Variants in SRR observed in about 807,000 individuals in gnomAD.
The protein encoded by SRR is serine racemase.
In SRR, 19 loss-of-function variants were observed where a neutral mutation model predicts 32.7. That is an observed-to-expected ratio of 0.58 (90% CI 0.40 to 0.85). SRR has a LOEUF of 0.85. Among genes scored for constraint, SRR ranks in the 40% least tolerant of loss-of-function variants. The pLI is 0.00. For missense variants in SRR, 373 were observed against 404.7 expected (o/e 0.92, Z 0.67); for synonymous variants, 142 against 140.9 (o/e 1.01, Z -0.06).
In SRR at chr17:2,324,179, G is replaced by C; in HGVS notation, c.*306G>C. Reference sequence around the variant, plus strand: ...AGTACTGACTGGCACCGGTAAGACAGAATCTCTTTGAATCCATTACTCCAT... The same window carrying C: ...AGTACTGACTGGCACCGGTAAGACACAATCTCTTTGAATCCATTACTCCAT... On this transcript the variant is annotated 3_prime_UTR_variant, in exon 8 of 8. Coordinates refer to ENST00000344595, the MANE Select transcript of SRR (RefSeq NM_021947.3). 1 of 1,514,586 alleles carries C rather than the reference G, an allele frequency of 6.6e-7. No individual in the cohort carries two copies. Among genetic ancestry groups the C allele is most frequent in the Non-Finnish European group, 8.8e-7 (1 of 1,136,180 alleles). The allele number at this position is 1,514,586 out of a possible 1,614,324, so 93.8% of individuals were successfully genotyped here.
intron 1 of SRR, among the ~76,000 whole-genome samples, chr17:2,313,790 T>TC (rs1259743873): frequency 2.0e-5 from 3 of 152,156 alleles, no homozygotes; most frequent in Admixed American, 2.0e-4. Flanking sequence ...GATTCATTGA[T>TC]ATTCATAATA....
In SRR at chr17:2,315,661, TG is replaced by T; in HGVS notation, c.102del (p.Asn35IlefsTer3). 6.2e-7 allele frequency: 1 copy of T among 1,614,204 alleles called. No individual in the cohort carries two copies. The highest frequency in any genetic ancestry group is 8.5e-7 in the Non-Finnish European group (1 of 1,180,034). ...HLTPVLTSSI[L>X]NQLTGRNLFF... ...ACACCAGTGCTAACAAGCTCCATTT[TG>T]AATCAACTAACAGGGCGCAATCTTT... On this transcript the variant is annotated frameshift_variant, in exon 2 of 8. Transcript: ENST00000344595. LOFTEE classifies it high-confidence loss of function.
At chr17:2,308,917 G>A (rs567566237) in intron 1 of SRR, among the ~76,000 whole-genome samples, 5 of 152,084 alleles carry the variant, frequency 3.3e-5, no homozygotes, top group African/African-American at 9.6e-5. Context: ...TCAGGAGTTC[G>A]AGACCAGCCT....
chr17:2,319,000 C>A, intron 4 of SRR, 71 bp downstream of exon 4: 3 of 1,062,026 alleles, frequency 2.8e-6, no homozygotes, highest in Middle Eastern at 2.1e-4. Context: ...ACCTTACTGG[C>A]TGCTCCTTCT....
At chr17:2,312,213 C>CT (rs1323205941) in intron 1 of SRR, among the ~76,000 whole-genome samples, 2 of 108,504 alleles carry the variant, frequency 1.8e-5, no homozygotes, top group Non-Finnish European at 4.0e-5. Flanking sequence ...GAGACCTTAT[C>CT]TAAAAAAAAA....
chr17:2,324,432 A>G lies in SRR; in HGVS notation c.*559A>G. The G allele has an allele frequency of 6.2e-7, 1 of 1,605,656 alleles. No individual in the cohort carries two copies. The highest frequency in any genetic ancestry group is 8.5e-7 in the Non-Finnish European group (1 of 1,176,532). On this transcript the variant is annotated 3_prime_UTR_variant, in exon 8 of 8. Coordinates refer to ENST00000344595, the MANE Select transcript of SRR (RefSeq NM_021947.3). ...AAAAGTAGAAAATTTTAAAGCAATG[A>G]CTTCCAACCCAACAGTCATTTAGCA... is the stretch of plus-strand genomic sequence containing the variant.
Position 2,325,144 on chromosome 17 carries a change from C to G in SRR, c.*1271C>G, listed in dbSNP as rs561038931. The G allele has an allele frequency of 1.4e-5, 9 of 641,868 alleles. No individual in the cohort carries two copies. Among genetic ancestry groups the G allele is most frequent in the Non-Finnish European group, 1.8e-5 (7 of 385,896 alleles). The allele number at this position is 641,868 out of a possible 1,614,324, so 39.8% of individuals were successfully genotyped here. On this transcript the variant is annotated 3_prime_UTR_variant, in exon 8 of 8. Transcript: ENST00000344595. ...TGTTTCACGTAAAAGTTGGAGTTTT[C>G]ATTGTTCTATTAACAATGTTAAATG...
chr17:2,318,498 A>C (rs1313024131), intron 3 of SRR, among the ~76,000 whole-genome samples: 4 of 110,372 alleles, frequency 3.6e-5, no homozygotes, highest in South Asian at 2.8e-4. Flanking sequence ...GGAGTCTTGC[A>C]CTGTCGCCCA....
intron 1 of SRR, among the ~76,000 whole-genome samples, chr17:2,315,207 C>T (rs896446730): frequency 2.0e-5 from 3 of 149,996 alleles, no homozygotes; most frequent in Non-Finnish European, 4.4e-5. Context: ...TGCCACTGCA[C>T]TCCAGCCTGG....
intron 2 of SRR, 119 bp from the exon 3 acceptor site, chr17:2,317,751 C>G (rs1597265469): frequency 1.9e-6 from 2 of 1,068,500 alleles, no homozygotes; most frequent in African/African-American, 3.2e-5. Flanking sequence ...AGAGGTAAAT[C>G]GATAAGATTT....
chr17:2,307,865 G>A, intron 1 of SRR: 1 of 631,326 alleles, frequency 1.6e-6, no homozygotes, highest in Non-Finnish European at 2.9e-6. Flanking sequence ...ATACTCATGT[G>A]TATGGGCAAA....
intron 1 of SRR, among the ~76,000 whole-genome samples, chr17:2,310,712 G>A (rs1320733608): frequency 1.3e-5 from 2 of 151,974 alleles, no homozygotes; most frequent in South Asian, 2.1e-4. Context: ...CCTAGTAGCT[G>A]GGACTACAGG....
chr17:2,321,227 A>C (rs527548271), intron 4 of SRR, 79 bp from the exon 5 acceptor site: 2 of 1,554,030 alleles, frequency 1.3e-6, no homozygotes, highest in East Asian at 2.2e-5. Context: ...ATGGTCAATA[A>C]AATGCTGAAT....
chr17:2,321,558 C>T lies in SRR; in HGVS notation c.536C>T (p.Ala179Val). The T allele has an allele frequency of 1.2e-6, 2 of 1,614,084 alleles. No homozygotes were observed. Among genetic ancestry groups the T allele is most frequent in the East Asian group, 2.2e-5 (1 of 44,886 alleles). ...EVLNQVPLVD[A>V]LVVPVGGGGM... ...TCACTAAAGGTTCCTTTGGTGGATG[C>T]ACTGGTGGTACCTGTAGGTGGAGGA... The change falls in exon 6 of 8, where the codon GCA becomes GTA. Residue 179 changes from alanine to valine, a missense_variant. Ala to Val is a moderately conservative substitution (Grantham distance 64). Coordinates refer to ENST00000344595, the MANE Select transcript of SRR (RefSeq NM_021947.3).
intron 1 of SRR, chr17:2,307,320 G>T (rs113934013): frequency 1.8e-5 from 19 of 1,059,026 alleles, no homozygotes; most frequent in South Asian, 5.0e-5. Flanking sequence ...AAGAGATGGT[G>T]AGTGCTTCAT....
chr17:2,324,425 AG>A lies in SRR; in HGVS notation c.*553del. The A allele has an allele frequency of 6.2e-7, 1 of 1,603,814 alleles. No individual in the cohort carries two copies. The highest frequency in any genetic ancestry group is 1.1e-5 in the South Asian group (1 of 89,560). ...TCAAATTAAAAGTAGAAAATTTTAA[AG>A]CAATGACTTCCAACCCAACAGTCAT... On this transcript the variant is annotated 3_prime_UTR_variant, in exon 8 of 8. Transcript: ENST00000344595.
rs1329062000 is a variant in SRR, at chr17:2,315,737, C to T, written c.168+9C>T. 5 of 1,611,878 alleles carry T rather than the reference C, an allele frequency of 3.1e-6. No individual in the cohort carries two copies. The highest frequency in any genetic ancestry group is 4.2e-6 in the Non-Finnish European group (5 of 1,178,754). On this transcript the variant is annotated intron_variant, in intron 2 of 7. Transcript: ENST00000344595. ...AAACAGGATCTTTTAAGGTAACAAT[C>T]CTTTTTCTCAGTGTATCATGTATGT...
intron 1 of SRR, among the ~76,000 whole-genome samples, chr17:2,311,390 C>T (rs1037660671): frequency 2.0e-5 from 3 of 152,036 alleles, no homozygotes; most frequent in Non-Finnish European, 1.5e-5. Flanking sequence ...AATCCCAGCA[C>T]TTTGGGAGGC....
chr17:2,308,629 T>G (rs1271216488), intron 1 of SRR, among the ~76,000 whole-genome samples: 1 of 151,652 alleles, frequency 6.6e-6, no homozygotes, highest in African/African-American at 2.4e-5. Context: ...GAGGCCGAGG[T>G]GGGTGGATCA....
Sources: allele counts gnomAD v4.1 joint callset (sites outside exome capture counted in the v4.1 genomes callset), GRCh38; gene constraint gnomAD v4.1.1; transcripts MANE v1.5; gene names NCBI Gene and HGNC (gene_info 2026-07-23, HGNC 2026-07-21).